The following WDPCP variants were observed in gnomAD, a reference collection of about 807,000 sequenced individuals.
WDPCP encodes the protein WD repeat-containing and planar cell polarity effector protein fritz homolog.
A neutral mutation model predicts 93.1 loss-of-function variants in WDPCP; 71 were observed. That is an observed-to-expected ratio of 0.76 (90% CI 0.63 to 0.93). The LOEUF is 0.93. Among genes scored for constraint, WDPCP ranks in the 40% least tolerant of loss-of-function variants. The pLI, the probability that WDPCP is intolerant of heterozygous loss-of-function variation, is 0.00. For synonymous variants in WDPCP, 315 were observed against 315.0 expected, an observed-to-expected ratio of 1.00 and a Z score of 0.00; for missense variants, 844 against 887.4, an observed-to-expected ratio of 0.95 and a Z score of 0.62.
intron 3 of WDPCP, among the ~76,000 whole-genome samples, chr2:63,624,162 A>C (rs1216087792): frequency 1.3e-5 from 2 of 152,234 alleles, no homozygotes; most frequent in African/African-American, 4.8e-5. Context: ...ACGTATCAGA[A>C]TCTCTGGGGC....
At chr2:63,166,965 G>A (rs1673040158) in intron 15 of WDPCP, among the ~76,000 whole-genome samples, 1 of 151,724 alleles carries the variant, frequency 6.6e-6, no homozygotes, top group Non-Finnish European at 1.5e-5. Flanking sequence ...CACAGCCTCT[G>A]GTAACCATTA....
chr2:63,556,293 T>G (rs1706116439), intron 1 of WDPCP, among the ~76,000 whole-genome samples: 2 of 152,012 alleles, frequency 1.3e-5, no homozygotes, highest in South Asian at 4.1e-4. Flanking sequence ...CAGACAAGAT[T>G]AGAGATAAAA....
At chr2:63,400,477 A>G (rs1022121944) in intron 10 of WDPCP, among the ~76,000 whole-genome samples, 1 of 152,172 alleles carries the variant, frequency 6.6e-6, no homozygotes, top group African/African-American at 2.4e-5. Context: ...TGTAAACTGT[A>G]TATCTGACAA....
chr2:63,183,601 C>T (rs763817322), intron 14 of WDPCP, among the ~76,000 whole-genome samples: 6 of 151,808 alleles, frequency 4.0e-5, no homozygotes, highest in Non-Finnish European at 5.9e-5. Context: ...ATCTATATTC[C>T]GCTGTTGTTG....
At chr2:63,742,337 C>G (rs1669736986) in intron 2 of WDPCP, among the ~76,000 whole-genome samples, 1 of 151,760 alleles carries the variant, frequency 6.6e-6, no homozygotes, top group African/African-American at 2.4e-5. Flanking sequence ...TGTCTGTATT[C>G]TAGCTTATAA....
At chr2:63,409,728 A>C (rs535187125) in intron 9 of WDPCP, among the ~76,000 whole-genome samples, 1 of 152,304 alleles carries the variant, frequency 6.6e-6, no homozygotes, top group African/African-American at 2.4e-5. Context: ...GAAACATTGG[A>C]AACACTTATA....
At chr2:63,207,488 G>A (rs1159798225) in intron 14 of WDPCP, among the ~76,000 whole-genome samples, 2 of 152,138 alleles carry the variant, frequency 1.3e-5, no homozygotes, top group Admixed American at 1.3e-4. Context: ...AAATTACCCA[G>A]TCTCTGGTAG....
At chr2:63,302,903 C>T (rs927606353) in intron 13 of WDPCP, among the ~76,000 whole-genome samples, 1 of 152,180 alleles carries the variant, frequency 6.6e-6, no homozygotes, top group Non-Finnish European at 1.5e-5. Flanking sequence ...GACCTGTAAA[C>T]ACATGGCAAT....
chr2:63,550,737 GCATATGTATGTGTATATATATACA>G (rs1705558380), intron 1 of WDPCP, among the ~76,000 whole-genome samples: 3 of 148,998 alleles, frequency 2.0e-5, no homozygotes, highest in Admixed American at 6.8e-5. Context: ...ATATATATGT[GCATATGTATGTGTATATATATACA>G]CATATATATG....
chr2:63,830,241 T>C (rs1671172317), upstream of WDPCP, among the ~76,000 whole-genome samples: 1 of 152,128 alleles, frequency 6.6e-6, no homozygotes, highest in Non-Finnish European at 1.5e-5. Flanking sequence ...GCCTAAATAT[T>C]TGTGGTCCTG....
intron 9 of WDPCP, among the ~76,000 whole-genome samples, chr2:63,422,472 T>C (rs930502581): frequency 1.8e-4 from 27 of 152,102 alleles, no homozygotes; most frequent in African/African-American, 4.6e-4. Flanking sequence ...AACTGGTAAA[T>C]AGAAAATAAA....
At chr2:63,350,379 T>C (rs577611983) in intron 12 of WDPCP, among the ~76,000 whole-genome samples, 191 of 151,948 alleles carry the variant, frequency 1.3e-3, no homozygotes, top group Middle Eastern at 6.8e-3. Flanking sequence ...GCATGGCACA[T>C]GTATACCTAT....
intron 2 of WDPCP, among the ~76,000 whole-genome samples, chr2:63,779,800 C>T (rs117653624): frequency 0.012 from 1,781 of 152,256 alleles, 89 homozygotes; most frequent in Admixed American, 0.077. Context: ...TTTAAAAAAA[C>T]CCTTAAACCT....
chr2:63,311,292 G>T (rs188667712), intron 13 of WDPCP, among the ~76,000 whole-genome samples: 115 of 152,212 alleles, frequency 7.6e-4, no homozygotes, highest in Middle Eastern at 6.8e-3. Context: ...TTCAAAAGAG[G>T]TAACATTTTT....
chr2:63,607,020 T>C (rs762837127), intron 3 of WDPCP: 2 of 1,585,748 alleles, frequency 1.3e-6, no homozygotes, highest in Non-Finnish European at 8.6e-7. Flanking sequence ...GCTTCAAAGC[T>C]GAAGAATCTA....
At chr2:63,252,579 T>G (rs1680822569) in intron 14 of WDPCP, among the ~76,000 whole-genome samples, 1 of 152,204 alleles carries the variant, frequency 6.6e-6, no homozygotes, top group Admixed American at 6.5e-5. Flanking sequence ...TGTAAAGTTT[T>G]GGATACAAAA....
chr2:63,348,987 T>G (rs1332035179), intron 12 of WDPCP, among the ~76,000 whole-genome samples: 1 of 152,168 alleles, frequency 6.6e-6, no homozygotes, highest in Non-Finnish European at 1.5e-5. Context: ...CCATAGAAGT[T>G]TTCAGAAATG....
chr2:63,465,565 T>G (rs906164214), intron 6 of WDPCP, among the ~76,000 whole-genome samples: 4 of 152,182 alleles, frequency 2.6e-5, no homozygotes, highest in African/African-American at 9.6e-5. Flanking sequence ...ATTAAATAGA[T>G]TAAAGCAACT....
chr2:63,713,935 TAG>T (rs1330705833), intron 2 of WDPCP, among the ~76,000 whole-genome samples: 1 of 152,196 alleles, frequency 6.6e-6, no homozygotes, highest in Non-Finnish European at 1.5e-5. Context: ...CTGATATTTA[TAG>T]AGATTGTGGT....
Sources: allele counts gnomAD v4.1 joint callset (sites outside exome capture counted in the v4.1 genomes callset), GRCh38; gene constraint gnomAD v4.1.1; transcripts MANE v1.5; gene names NCBI Gene and HGNC (gene_info 2026-07-23, HGNC 2026-07-21).